The following RTN1 variants were observed in gnomAD, a reference collection of about 807,000 sequenced individuals.
The protein encoded by RTN1 is reticulon 1, also known as reticulon-1.
Under a neutral mutation model 65.5 loss-of-function variants are expected in RTN1, and 25 were observed. That is an observed-to-expected ratio of 0.38 (90% confidence interval 0.28 to 0.53). RTN1 has a LOEUF of 0.53. Among genes scored for constraint, RTN1 ranks in the 20% least tolerant of loss-of-function variants. RTN1 has a pLI of 0.79. For synonymous variants in RTN1, 471 were observed against 447.6 expected (o/e 1.05, Z -0.66); for missense variants, 983 against 1,025.4 (o/e 0.96, Z 0.57).
rs149456940 is a variant in RTN1, at chr14:59,689,614, C to A, written c.1765+37305G>T. The stretch of plus-strand genomic sequence containing the variant: ...CATCAGCTAACAGCGGACTTCTCAG[C>A]AGAAACCTTACAAACCAGGAAAGAT... On this transcript the variant is annotated intron_variant, in intron 3 of 8. Coordinates refer to ENST00000267484, the MANE Select transcript of RTN1 (RefSeq NM_021136.3). Among the ~76,000 whole-genome samples the A allele has an allele frequency of 2.6e-5, 4 of 152,314 alleles. No homozygotes were observed. The East Asian group carries it at 7.7e-4, about 29-fold the overall frequency.
At chr14:59,710,176 G>T (rs1359687255) in intron 3 of RTN1, among the ~76,000 whole-genome samples, 1 of 151,476 alleles carries the variant, frequency 6.6e-6, no homozygotes, top group Admixed American at 6.6e-5. Context: ...CTGAGAATTT[G>T]GGAGTACAGG....
At chr14:59,805,250 TCA>T (rs1886616476) in intron 1 of RTN1, among the ~76,000 whole-genome samples, 1 of 152,204 alleles carries the variant, frequency 6.6e-6, no homozygotes, top group Admixed American at 6.5e-5. Flanking sequence ...TTGATACTTT[TCA>T]CAGTCTGACA....
chr14:59,806,022 G>A (rs572945479), intron 1 of RTN1, among the ~76,000 whole-genome samples: 1 of 151,382 alleles, frequency 6.6e-6, no homozygotes, highest in African/African-American at 2.4e-5. Context: ...CGGATCACGA[G>A]CTCAAGAGAT....
At chr14:59,626,994 C>A (rs891181672) in intron 3 of RTN1, among the ~76,000 whole-genome samples, 1 of 152,148 alleles carries the variant, frequency 6.6e-6, no homozygotes, top group Admixed American at 6.5e-5. Context: ...CTTTCTCTAA[C>A]TTAGTGTTAG....
intron 1 of RTN1, among the ~76,000 whole-genome samples, chr14:59,747,847 C>T (rs952643539): frequency 6.6e-6 from 1 of 151,908 alleles, no homozygotes; most frequent in Non-Finnish European, 1.5e-5. Context: ...ACACACAGTA[C>T]GTACAATATC....
intron 3 of RTN1, among the ~76,000 whole-genome samples, chr14:59,647,719 A>G (rs1882930933): frequency 6.6e-6 from 1 of 152,254 alleles, no homozygotes; most frequent in Admixed American, 6.5e-5. Flanking sequence ...GAAGAAATCA[A>G]GAAATTCTTT....
chr14:59,657,573 G>A (rs923223385), intron 3 of RTN1, among the ~76,000 whole-genome samples: 2 of 152,212 alleles, frequency 1.3e-5, no homozygotes, highest in African/African-American at 4.8e-5. Flanking sequence ...TGGTTAGACA[G>A]TGGGTGCAGC....
chr14:59,715,995 A>G (rs1001828402), intron 3 of RTN1, among the ~76,000 whole-genome samples: 1 of 152,246 alleles, frequency 6.6e-6, no homozygotes, highest in Non-Finnish European at 1.5e-5. Context: ...AAAAGATTCA[A>G]GTATAAATTG....
intron 6 of RTN1, 45 bp from the exon 7 acceptor site, chr14:59,603,303 TAAGAA>T (rs778685703): frequency 6.8e-7 from 1 of 1,473,300 alleles, no homozygotes; most frequent in Non-Finnish European, 9.5e-7. Context: ...GAGTTATCAA[TAAGAA>T]TACGCTTATA....
chr14:59,761,470 T>C (rs1885747139), intron 1 of RTN1, among the ~76,000 whole-genome samples: 1 of 152,204 alleles, frequency 6.6e-6, no homozygotes, highest in Admixed American at 6.5e-5. Flanking sequence ...TCTGCTATGA[T>C]TGTGAGGCCT....
chr14:59,683,868 G>C (rs568083143), intron 3 of RTN1, among the ~76,000 whole-genome samples: 5 of 152,034 alleles, frequency 3.3e-5, no homozygotes, highest in African/African-American at 1.2e-4. Context: ...TCTTGCCAAC[G>C]CCAGCTCTCT....
intron 1 of RTN1, among the ~76,000 whole-genome samples, chr14:59,793,904 A>C (rs190194025): frequency 1.9e-3 from 283 of 152,226 alleles, no homozygotes; most frequent in Middle Eastern, 0.014. Context: ...CCCCCATGCC[A>C]CAGTGCATAT....
chr14:59,622,425 T>C (rs1301368628), intron 3 of RTN1, among the ~76,000 whole-genome samples: 1 of 152,188 alleles, frequency 6.6e-6, no homozygotes, highest in South Asian at 2.1e-4. Flanking sequence ...ACAAAAGGAC[T>C]GTTGAAAAAT....
At chr14:59,722,277 A>C (rs1364246538) in intron 3 of RTN1, among the ~76,000 whole-genome samples, 1 of 152,226 alleles carries the variant, frequency 6.6e-6, no homozygotes, top group Non-Finnish European at 1.5e-5. Flanking sequence ...TGGGATGTCC[A>C]ATACACAGTG....
intron 1 of RTN1, among the ~76,000 whole-genome samples, chr14:59,809,588 G>C (rs60669266): frequency 4.6e-5 from 7 of 152,086 alleles, no homozygotes; most frequent in Non-Finnish European, 7.4e-5. Flanking sequence ...TAAATAGAAG[G>C]CTAATTAATC....
intron 1 of RTN1, among the ~76,000 whole-genome samples, chr14:59,783,039 C>T (rs1886185612): frequency 6.6e-6 from 1 of 152,142 alleles, no homozygotes; most frequent in Non-Finnish European, 1.5e-5. Flanking sequence ...CCACAACCAC[C>T]TCAGAAGGAA....
chr14:59,749,972 C>T (rs1385107662), intron 1 of RTN1, among the ~76,000 whole-genome samples: 1 of 73,518 alleles, frequency 1.4e-5, no homozygotes, highest in African/African-American at 6.1e-5. Context: ...ATATTATATA[C>T]ATATATTATA....
chr14:59,617,028 C>G (rs1882121296), intron 3 of RTN1, among the ~76,000 whole-genome samples: 1 of 152,196 alleles, frequency 6.6e-6, no homozygotes, highest in Non-Finnish European at 1.5e-5. Context: ...TTAATATTCT[C>G]AATTTATGGA....
chr14:59,607,168 C>CT (rs1308349192), intron 4 of RTN1, 117 bp downstream of exon 4: 2 of 827,720 alleles, frequency 2.4e-6, no homozygotes, highest in African/African-American at 3.4e-5. Flanking sequence ...AGGGGAGACT[C>CT]TAAGAGGTCT....
Sources: allele counts gnomAD v4.1 joint callset (sites outside exome capture counted in the v4.1 genomes callset), GRCh38; gene constraint gnomAD v4.1.1; transcripts MANE v1.5; gene names NCBI Gene and HGNC (gene_info 2026-07-23, HGNC 2026-07-21).